Variants in SEPTIN14 observed in about 807,000 individuals in gnomAD.
SEPTIN14 encodes septin 14, also known as septin-14.
SEPTIN14 carries 40 observed loss-of-function variants against 53.6 expected under a neutral mutation model. The observed-to-expected ratio is 0.75, with a 90% CI of 0.58 to 0.97. The LOEUF is 0.97. SEPTIN14 is among the 50% of genes least tolerant of loss of function. The probability of loss-of-function intolerance (pLI) is 0.00; values close to 1 mark genes in which losing one functional copy is unlikely to be tolerated. For missense variants in SEPTIN14, 471 were observed against 508.2 expected (o/e 0.93, Z 0.70); for synonymous variants, 138 against 166.8 (o/e 0.83, Z 1.33).
At chr7:55,799,647 C>T (rs780764967) in intron 9 of SEPTIN14, among the ~76,000 whole-genome samples, 9 of 150,664 alleles carry the variant, frequency 6.0e-5, no homozygotes, top group Non-Finnish European at 1.2e-4. Flanking sequence ...TCATAAGAGA[C>T]AATATCACTA....
At chr7:55,825,444 GA>G in intron 6 of SEPTIN14, among the ~76,000 whole-genome samples, 1 of 152,156 alleles carries the variant, frequency 6.6e-6, no homozygotes. Context: ...GACATTTGTT[GA>G]AACCCATACA....
intron 8 of SEPTIN14, among the ~76,000 whole-genome samples, chr7:55,806,060 G>A (rs1005959732): frequency 6.6e-5 from 10 of 151,892 alleles, no homozygotes; most frequent in Non-Finnish European, 1.5e-4. Context: ...GCAGTGGCAC[G>A]ATCTCAGCTC....
intron 6 of SEPTIN14, among the ~76,000 whole-genome samples, chr7:55,827,699 C>A (rs1789015528): frequency 6.6e-6 from 1 of 152,208 alleles, no homozygotes. Context: ...CTAGGCATTA[C>A]ATAGACCAGC....
intron 7 of SEPTIN14, among the ~76,000 whole-genome samples, chr7:55,815,052 C>T (rs191167646): frequency 9.9e-5 from 15 of 152,124 alleles, no homozygotes; most frequent in African/African-American, 2.6e-4. Context: ...AAAGGATAAG[C>T]GCTTCAATAA....
chr7:55,828,788 G>C (rs756654287), intron 6 of SEPTIN14, among the ~76,000 whole-genome samples: 7 of 152,016 alleles, frequency 4.6e-5, no homozygotes, highest in Non-Finnish European at 8.8e-5. Flanking sequence ...GTTGCCTTTG[G>C]ATAGTCTGGT....
chr7:55,806,958 A>G (rs1416125971), intron 8 of SEPTIN14, 132 bp downstream of exon 8: 13 of 597,414 alleles, frequency 2.2e-5, no homozygotes, highest in African/African-American at 1.7e-4. Flanking sequence ...AACACCTAAC[A>G]TTCAGGTGTT....
chr7:55,846,214 C>T (rs116073456), intron 3 of SEPTIN14, among the ~76,000 whole-genome samples: 1,661 of 150,744 alleles, frequency 0.011, 19 homozygotes, highest in African/African-American at 0.03. Flanking sequence ...CACTACAGGT[C>T]GAGTGTGGTG....
chr7:55,853,049 C>T (rs551849550), intron 2 of SEPTIN14, among the ~76,000 whole-genome samples: 5 of 151,958 alleles, frequency 3.3e-5, no homozygotes, highest in Non-Finnish European at 5.9e-5. Context: ...CAAATGCTGG[C>T]GAAAATGTGG....
chr7:55,807,497 A>G (rs1346722543), intron 7 of SEPTIN14, among the ~76,000 whole-genome samples: 1 of 152,216 alleles, frequency 6.6e-6, no homozygotes, highest in Non-Finnish European at 1.5e-5. Context: ...CTGAAGAATA[A>G]GCAGGAAATA....
chr7:55,848,058 A>C (rs746681395), intron 2 of SEPTIN14, among the ~76,000 whole-genome samples: 25 of 152,360 alleles, frequency 1.6e-4, no homozygotes, highest in African/African-American at 2.2e-4. Context: ...CCCGCTTTAA[A>C]AATGTTTTAG....
intron 9 of SEPTIN14, among the ~76,000 whole-genome samples, chr7:55,804,044 G>A (rs1222494694): frequency 1.3e-5 from 2 of 148,482 alleles, no homozygotes; most frequent in Non-Finnish European, 3.0e-5. Context: ...GCTGGGGCAG[G>A]AGAATGGCGT....
At chr7:55,847,648 A>G (rs1369744359) in intron 2 of SEPTIN14, among the ~76,000 whole-genome samples, 1 of 152,196 alleles carries the variant, frequency 6.6e-6, no homozygotes, top group Non-Finnish European at 1.5e-5. Context: ...AGAGTCAACA[A>G]TTTAAGTTGA....
chr7:55,846,294 G>A (rs1467309181), intron 3 of SEPTIN14, among the ~76,000 whole-genome samples: 2 of 149,848 alleles, frequency 1.3e-5, no homozygotes, highest in Non-Finnish European at 3.0e-5. Flanking sequence ...GGCGGCTGAG[G>A]CTACAGTGAG....
intron 7 of SEPTIN14, among the ~76,000 whole-genome samples, chr7:55,810,174 C>G (rs1788676741): frequency 1.3e-5 from 2 of 152,024 alleles, no homozygotes; most frequent in African/African-American, 4.8e-5. Flanking sequence ...TGAAGTGATA[C>G]TTCATCATGT....
intron 6 of SEPTIN14, among the ~76,000 whole-genome samples, chr7:55,829,966 C>G (rs536895029): frequency 6.6e-6 from 1 of 151,590 alleles, no homozygotes; most frequent in Non-Finnish European, 1.5e-5. Context: ...ATCACGAGGT[C>G]AGGAGATCGA....
chr7:55,815,696 A>T (rs188701920), intron 7 of SEPTIN14, among the ~76,000 whole-genome samples: 1 of 152,348 alleles, frequency 6.6e-6, no homozygotes, highest in East Asian at 1.9e-4. Flanking sequence ...GACAGGCAAT[A>T]ACAAATGCTG....
At chr7:55,814,428 T>C (rs1462788549) in intron 7 of SEPTIN14, among the ~76,000 whole-genome samples, 1 of 152,130 alleles carries the variant, frequency 6.6e-6, no homozygotes, top group Non-Finnish European at 1.5e-5. Context: ...GATCTCAAAA[T>C]AGCTGTTTTA....
At chr7:55,845,632 T>C (rs953995281) in intron 3 of SEPTIN14, among the ~76,000 whole-genome samples, 1 of 152,168 alleles carries the variant, frequency 6.6e-6, no homozygotes, top group Non-Finnish European at 1.5e-5. Context: ...ATTGTAAACA[T>C]ATAGCAAAAC....
intron 6 of SEPTIN14, among the ~76,000 whole-genome samples, chr7:55,830,489 G>A (rs897008038): frequency 2.0e-5 from 3 of 150,386 alleles, no homozygotes; most frequent in East Asian, 4.0e-4. Flanking sequence ...GACTGGAGGC[G>A]CCTGCCACCA....
Sources: gnomAD v4.1 joint callset for allele counts (sites outside exome capture counted in the v4.1 genomes callset) on GRCh38, gnomAD v4.1.1 for gene constraint, MANE v1.5 for transcripts, NCBI Gene and HGNC (gene_info 2026-07-23, HGNC 2026-07-21) for gene names.